Variants in SCAPER observed in about 807,000 individuals in gnomAD.
The protein encoded by SCAPER is S phase cyclin A-associated protein in the endoplasmic reticulum.
In SCAPER, 98 loss-of-function variants were observed where a neutral mutation model predicts 182.2. That is an observed-to-expected ratio of 0.54 (90% CI 0.46 to 0.64). The LOEUF is 0.64. SCAPER is among the 30% of genes least tolerant of loss of function. The pLI, the probability that SCAPER is intolerant of heterozygous loss-of-function variation, is 0.00. For missense variants in SCAPER, 1,432 were observed against 1,690.0 expected (o/e 0.85, Z 2.68); for synonymous variants, 605 against 564.6 (o/e 1.07, Z -1.01).
chr15:76,647,510 C>A (rs537736822), intron 21 of SCAPER, among the ~76,000 whole-genome samples: 1 of 152,132 alleles, frequency 6.6e-6, no homozygotes, highest in Non-Finnish European at 1.5e-5. Context: ...AGCTACATAT[C>A]GGGGAAGGGT....
chr15:76,552,764 G>A (rs1339618503), intron 23 of SCAPER, among the ~76,000 whole-genome samples: 2 of 151,682 alleles, frequency 1.3e-5, no homozygotes, highest in Admixed American at 1.3e-4. Context: ...AGCCAGGAAC[G>A]TCAAGCACTG....
At chr15:76,902,379 G>C (rs1452176639) in intron 1 of SCAPER, among the ~76,000 whole-genome samples, 1 of 152,178 alleles carries the variant, frequency 6.6e-6, no homozygotes, top group Non-Finnish European at 1.5e-5. Context: ...ACCACCTGTT[G>C]TGTACTATGC....
chr15:76,589,089 A>G (rs541778001), intron 22 of SCAPER, among the ~76,000 whole-genome samples: 65 of 152,204 alleles, frequency 4.3e-4, no homozygotes, highest in African/African-American at 1.5e-3. Flanking sequence ...TCTAATGTGA[A>G]CTGTCTTCAG....
At chr15:76,352,050 A>G (rs1596261455) in intron 30 of SCAPER, among the ~76,000 whole-genome samples, 2 of 152,350 alleles carry the variant, frequency 1.3e-5, no homozygotes, top group East Asian at 3.9e-4. Flanking sequence ...TTGTATCATT[A>G]TAAGTCATTG....
chr15:76,404,628 C>T lies in SCAPER; in HGVS notation c.3363G>A (p.Ser1121=), dbSNP rs371933612. The T allele has an allele frequency of 9.9e-6, 16 of 1,613,146 alleles. No homozygotes were observed. The highest frequency in any genetic ancestry group is 2.2e-5 in the South Asian group (2 of 91,030). The change falls in exon 27 of 32, where the codon TCG becomes TCA. Residue 1121 remains serine (S), a synonymous_variant. Transcript: ENST00000563290. ...LIDKLCACFL[S]VQGPVDENPK... ...GATTCTCATCCACTGGGCCTTGCACCGAGAGGAAGCAGGCACACAGTTTGT... is the reference window on the plus strand; with the variant it reads ...GATTCTCATCCACTGGGCCTTGCACTGAGAGGAAGCAGGCACACAGTTTGT...
rs150824417 is a variant in SCAPER at position 76,703,968 on chromosome 15, A to G, written c.2248-966T>C. The stretch of plus-strand genomic sequence containing the variant: ...ATCTCTGTGAGGAGCCAGCATGTAA[A>G]TAACTGTGATATAATATGAAACATT... On this transcript the variant is annotated intron_variant, in intron 18 of 31. Coordinates refer to ENST00000563290, the MANE Select transcript of SCAPER (RefSeq NM_020843.4). Among the ~76,000 whole-genome samples the G allele has an allele frequency of 1.1e-3, 172 of 152,302 alleles. 1 individual carries two copies. Among genetic ancestry groups the G allele is most frequent in the African/African-American group, 4.0e-3 (166 of 41,558 alleles).
At chr15:76,654,760 A>G (rs1157123867) in intron 21 of SCAPER, among the ~76,000 whole-genome samples, 24 of 152,228 alleles carry the variant, frequency 1.6e-4, no homozygotes, top group Admixed American at 1.6e-3. Flanking sequence ...CTGGCTCACC[A>G]GGTCCTACCA....
At position 76,589,147 on chromosome 15, in the gene SCAPER, G is replaced by A. The variant is rs140730118; in HGVS notation, c.2712-14863C>T. Among the ~76,000 whole-genome samples, 141 of 152,206 alleles carry A rather than the reference G, an allele frequency of 9.3e-4. 1 individual carries two copies. In the East Asian group the frequency reaches 0.021, roughly 23 times the overall value. ...AAGGGAATGAAATGGACTCTGTGAG[G>A]GTCCTTAGTTGCAGTCGTTTAATAC... On this transcript the variant is annotated intron_variant, in intron 22 of 31. Coordinates refer to ENST00000563290, the MANE Select transcript of SCAPER (RefSeq NM_020843.4).
intron 28 of SCAPER, 32 bp downstream of exon 28, chr15:76,381,346 G>A (rs1223419456): frequency 1.3e-5 from 21 of 1,559,548 alleles, no homozygotes; most frequent in Non-Finnish European, 1.8e-5. Context: ...ACTCTTGATT[G>A]GTTAACATCG....
At chr15:76,637,823 C>A (rs1261713824) in intron 21 of SCAPER, among the ~76,000 whole-genome samples, 1 of 137,226 alleles carries the variant, frequency 7.3e-6, no homozygotes, top group African/African-American at 2.7e-5. Flanking sequence ...TTCCACCCAT[C>A]CTAGTTGTTG....
In SCAPER at chr15:76,381,421, C is replaced by G. The variant is rs1382409824; in HGVS notation, c.3662G>C (p.Arg1221Pro). The stretch of plus-strand genomic sequence containing the variant: ...AAGAGCTGCAAAGCTGTTGAAGAAA[C>G]GTAAACTCTGAATGGCCACTTGGAT... ...NTIQVAIQSL[R>P]FFNSFAALHL... Residue 1221 changes from arginine (R) to proline (P), a missense_variant, in exon 28 of 32, where the codon CGT becomes CCT. This residue lies in a region of SCAPER where 718 missense variants were observed against 799.7 expected (regional missense o/e 0.90). Transcript: ENST00000563290. 6.2e-7 allele frequency: 1 copy of G among 1,613,808 alleles called. No homozygotes were observed. Among genetic ancestry groups the G allele is most frequent in the Non-Finnish European group, 8.5e-7 (1 of 1,179,860 alleles).
intron 24 of SCAPER, among the ~76,000 whole-genome samples, chr15:76,478,583 T>A (rs1027366657): frequency 1.3e-5 from 2 of 152,184 alleles, no homozygotes; most frequent in African/African-American, 4.8e-5. Flanking sequence ...ATTTTATGGT[T>A]TTCTAATTCA....
Position 76,841,881 on chromosome 15 carries a change from G to A in SCAPER, c.246C>T (p.His82=), listed in dbSNP as rs2069516830. The change falls in exon 5 of 32, where the codon CAC becomes CAT. Residue 82 remains histidine, a synonymous_variant. Transcript: ENST00000563290. The stretch of plus-strand genomic sequence containing the variant: ...TTGTTTTAGTGGGACTTTTATCAAA[G>A]TGTTTATCTCCAGTCGTAGACGATG... ...KITSSTTGDK[H]FDKSPTKTRH... The A allele has an allele frequency of 6.2e-7, 1 of 1,613,856 alleles. No homozygotes were observed. The highest frequency in any genetic ancestry group is 8.5e-7 in the Non-Finnish European group (1 of 1,179,828).
chr15:76,876,688 T>G (rs1233177360), intron 2 of SCAPER, among the ~76,000 whole-genome samples: 1 of 152,126 alleles, frequency 6.6e-6, no homozygotes, highest in Non-Finnish European at 1.5e-5. Flanking sequence ...AAGAAAAGCA[T>G]GTAATAAATT....
chr15:76,471,099 T>C, intron 25 of SCAPER, 113 bp downstream of exon 25: 1 of 359,316 alleles, frequency 2.8e-6, no homozygotes, highest in Non-Finnish European at 4.0e-6. Context: ...CTTCTTCTTC[T>C]TTTTTTTTTT....
intron 23 of SCAPER, among the ~76,000 whole-genome samples, chr15:76,533,277 C>T (rs1289655775): frequency 6.6e-6 from 1 of 152,150 alleles, no homozygotes; most frequent in Non-Finnish European, 1.5e-5. Flanking sequence ...CTTCATGTGC[C>T]ACATAACGAT....
intron 17 of SCAPER, among the ~76,000 whole-genome samples, chr15:76,714,171 T>C (rs977188295): frequency 2.0e-5 from 3 of 151,876 alleles, no homozygotes; most frequent in South Asian, 2.1e-4. Flanking sequence ...GGGCTGAGGA[T>C]AGAGAAAAGA....
chr15:76,469,263 T>C (rs1287551700), intron 25 of SCAPER, among the ~76,000 whole-genome samples: 3 of 152,148 alleles, frequency 2.0e-5, no homozygotes, highest in East Asian at 3.9e-4. Context: ...TTCTTCCAGA[T>C]GATGCAGTAT....
chr15:76,826,338 C>T (rs1462339026), intron 5 of SCAPER, among the ~76,000 whole-genome samples: 1 of 145,272 alleles, frequency 6.9e-6, no homozygotes, highest in Admixed American at 7.2e-5. Flanking sequence ...CGCATATTCT[C>T]ACTCATAGGT....
Sources: allele counts gnomAD v4.1 joint callset (sites outside exome capture counted in the v4.1 genomes callset), GRCh38; gene constraint gnomAD v4.1.1; regional missense constraint gnomAD v4.1.1; transcripts MANE v1.5; gene names NCBI Gene and HGNC (gene_info 2026-07-23, HGNC 2026-07-21).